Variants in APBB1 observed in about 807,000 individuals in gnomAD.
APBB1 encodes adaptor protein FE65a2.
In APBB1, 22 loss-of-function variants were observed where a neutral mutation model predicts 78.4. That is an observed-to-expected ratio of 0.28 (90% CI 0.20 to 0.40). The LOEUF (loss-of-function observed/expected upper bound fraction) is 0.40, where lower values mean the gene tolerates loss of function less well. Among genes scored for constraint, APBB1 ranks in the 10% least tolerant of loss-of-function variants. APBB1 has a pLI of 1.00. For synonymous variants in APBB1, 369 were observed against 372.7 expected (o/e 0.99, Z 0.12); for missense variants, 749 against 932.4 (o/e 0.80, Z 2.56).
rs75218521 is a variant in APBB1 at position 6,398,738 on chromosome 11, A to G, written c.1672+2251T>C. Among the ~76,000 whole-genome samples the G allele has an allele frequency of 7.1e-3, 1,083 of 152,340 alleles. 8 individuals carry two copies. The highest frequency in any genetic ancestry group is 0.011 in the Non-Finnish European group (762 of 68,034). On this transcript the variant is annotated intron_variant, in intron 12 of 14. Transcript: ENST00000609360. ...CAGTGCCATCGAATCCAAATGAAAT[A>G]CCCACTCCACTCTGCAAATCCAAAC... is the stretch of plus-strand genomic sequence containing the variant.
chr11:6,402,385 C>A, intron 7 of APBB1, 176 bp from the exon 8 acceptor site: 1 of 1,124,092 alleles, frequency 8.9e-7, no homozygotes, highest in South Asian at 1.5e-5. Flanking sequence ...CACATTGACT[C>A]CACCGTTGTT....
chr11:6,402,285 G>A, intron 7 of APBB1, 76 bp from the exon 8 acceptor site: 1 of 1,576,258 alleles, frequency 6.3e-7, no homozygotes, highest in African/African-American at 1.3e-5. Context: ...GCAGCTCAGG[G>A]GATGTTAGCC....
intron 1 of APBB1, among the ~76,000 whole-genome samples, chr11:6,412,402 C>T (rs185026068): frequency 9.5e-4 from 145 of 152,260 alleles, no homozygotes; most frequent in Non-Finnish European, 1.1e-3. Context: ...CCGCCCACTT[C>T]GGCCTCCCAA....
intron 12 of APBB1, chr11:6,396,548 A>ACAT (rs1489661208): frequency 6.6e-6 from 2 of 305,270 alleles, no homozygotes; most frequent in Non-Finnish European, 1.2e-5. Context: ...TCACACTCAG[A>ACAT]CATCACATTG....
At position 6,401,831 on chromosome 11, in the gene APBB1, G is replaced by T. The variant is rs555746087; in HGVS notation, c.1389-143C>A. On this transcript the variant is annotated intron_variant, in intron 9 of 14. Coordinates refer to ENST00000609360, the MANE Select transcript of APBB1 (RefSeq NM_001164.5). This position sits in a 1 kb window ranked among gnomAD's most constrained non-coding sequence, Gnocchi z 4.5. The stretch of plus-strand genomic sequence containing the variant: ...GGTCCCCCATAGGTGCTGCCTTCTT[G>T]GGGGGGAGGGGTAGACAGGCAAGCA... 2,476 of 1,407,316 alleles carry T rather than the reference G, an allele frequency of 1.8e-3. 11 individuals carry two copies. The highest frequency in any genetic ancestry group is 1.5e-3 in the East Asian group (62 of 42,126). 87.2% of individuals were successfully genotyped at this position (1,407,316 alleles called of 1,614,324 possible). A position where few individuals can be genotyped will look rare whatever the true frequency, so the allele number is the denominator to read the frequency against.
chr11:6,412,806 G>A (rs934786026), intron 1 of APBB1, among the ~76,000 whole-genome samples: 1 of 152,110 alleles, frequency 6.6e-6, no homozygotes, highest in African/African-American at 2.4e-5. Flanking sequence ...CTCTGCCAGT[G>A]TCAGAAAACA....
At chr11:6,418,859 C>CGGGGATG (rs909154741) in intron 1 of APBB1, 126 bp downstream of exon 1, 5 of 360,552 alleles carry the variant, frequency 1.4e-5, no homozygotes, top group African/African-American at 4.3e-5. Flanking sequence ...AAGGGCGACC[C>CGGGGATG]GGGGATGGGG....
chr11:6,401,948 G>T lies in APBB1; in HGVS notation c.1388+29C>A. 1 of 1,555,284 alleles carries T rather than the reference G, an allele frequency of 6.4e-7. No individual in the cohort carries two copies. On this transcript the variant is annotated intron_variant, in intron 9 of 14. Transcript: ENST00000609360. The surrounding 1 kb of genome is among the most constrained non-coding windows in gnomAD (Gnocchi z 4.5). Reference sequence around the variant, plus strand: ...GGGTGCTTCCAGGCATCTGGTCCAGGTGTAGGAGGGGGAAAATAGGCATAG... The same window carrying T: ...GGGTGCTTCCAGGCATCTGGTCCAGTTGTAGGAGGGGGAAAATAGGCATAG...
At position 6,403,791 on chromosome 11, in the gene APBB1, C is replaced by T. The variant is rs770745053; in HGVS notation, c.753G>A (p.Thr251=). The T allele has an allele frequency of 1.2e-5, 19 of 1,571,672 alleles. No homozygotes were observed. The highest frequency in any genetic ancestry group is 2.3e-5 in the East Asian group (1 of 44,354). The change falls in exon 3 of 15, where the codon ACG becomes ACA. Residue 251 remains threonine, a synonymous_variant. Coordinates refer to ENST00000609360, the MANE Select transcript of APBB1 (RefSeq NM_001164.5). This position sits in a 1 kb window ranked among gnomAD's most constrained non-coding sequence, Gnocchi z 5.3. ...TCCATCCAGCCGGCAGGTCGGAATC[C>T]GTCTCGAAGGCGTTGGGGTTCCAGA... ...DSFWNPNAFE[T]DSDLPAGWMR...
At chr11:6,404,770 G>C in intron 2 of APBB1, 1 of 1,536,310 alleles carries the variant, frequency 6.5e-7, no homozygotes, top group Non-Finnish European at 8.7e-7. Context: ...GCAGGATAAT[G>C]GCCAGGAAAA....
chr11:6,400,411 G>A (rs528837648), intron 12 of APBB1, among the ~76,000 whole-genome samples: 34 of 152,178 alleles, frequency 2.2e-4, no homozygotes, highest in African/African-American at 7.0e-4. Flanking sequence ...GCGTGGTGGC[G>A]GGAGCCTGTA....
intron 7 of APBB1, 179 bp downstream of exon 7, chr11:6,402,397 G>A: frequency 2.7e-6 from 3 of 1,105,902 alleles, no homozygotes; most frequent in Non-Finnish European, 3.9e-6. Context: ...ACCGTTGTTA[G>A]GCGACTATCT....
rs950717857 is a variant in APBB1, at chr11:6,415,447, G to A, written c.-15+3538C>T. Among the ~76,000 whole-genome samples, 12 of 152,194 alleles carry A rather than the reference G, an allele frequency of 7.9e-5. No individual in the cohort carries two copies. In the South Asian group the frequency reaches 1.7e-3, roughly 21 times the overall value. On this transcript the variant is annotated intron_variant, in intron 1 of 14. Coordinates refer to ENST00000609360, the MANE Select transcript of APBB1 (RefSeq NM_001164.5). Reference sequence around the variant, plus strand: ...CTCAGTTCAGCGGGAAACAGTCATTGAACAACTTGTTACAATGCAGTGTAA... The same window carrying A: ...CTCAGTTCAGCGGGAAACAGTCATTAAACAACTTGTTACAATGCAGTGTAA...
rs778970120 is a variant in APBB1 at position 6,410,821 on chromosome 11, G to A, written c.527C>T (p.Pro176Leu). The change falls in exon 2 of 15, where the codon CCC (proline) becomes CTC (leucine). Residue 176 changes from proline to leucine, a missense_variant. Coordinates refer to ENST00000609360, the MANE Select transcript of APBB1 (RefSeq NM_001164.5). Reference protein sequence around the residue: ...DEEEEEDLSSPPGLPEPLESV... With the variant: ...DEEEEEDLSSLPGLPEPLESV... ...CTCCAGGGGCTCAGGCAGCCCTGGG[G>A]GAGAAGATAAGTCCTCCTCCTCCTC... The A allele has an allele frequency of 4.3e-6, 7 of 1,613,822 alleles. No homozygotes were observed. The highest frequency in any genetic ancestry group is 3.3e-4 in the Middle Eastern group (2 of 6,018).
chr11:6,409,442 C>T (rs1002905874), intron 2 of APBB1, among the ~76,000 whole-genome samples: 17 of 152,174 alleles, frequency 1.1e-4, no homozygotes, highest in Non-Finnish European at 4.4e-5. Context: ...CGGAAGAGAG[C>T]ATGCAGGTAG....
intron 7 of APBB1, 173 bp from the exon 8 acceptor site, chr11:6,402,382 A>T: frequency 8.9e-7 from 1 of 1,123,402 alleles, no homozygotes; most frequent in Non-Finnish European, 1.3e-6. Context: ...TCTCACATTG[A>T]CTCCACCGTT....
upstream of APBB1, chr11:6,419,108 C>G: frequency 7.9e-6 from 3 of 377,380 alleles, no homozygotes; most frequent in Non-Finnish European, 1.4e-5. Flanking sequence ...GGGCCGCGCC[C>G]CGAGCGGCGG....
Position 6,395,687 on chromosome 11 carries a change from C to T in APBB1, c.1980G>A (p.Lys660=), listed in dbSNP as rs762395261. The change falls in exon 15 of 15, where the codon AAG becomes AAA. Residue 660 remains lysine, a synonymous_variant. Coordinates refer to ENST00000609360, the MANE Select transcript of APBB1 (RefSeq NM_001164.5). The surrounding 1 kb of genome is among the most constrained non-coding windows in gnomAD (Gnocchi z 5.2). ...AGGCCTGGGAACGGGCATCCAGACACTTCTGGTAGCGAAGCTGCGGAGGCA... is the reference window on the plus strand; with the variant it reads ...AGGCCTGGGAACGGGCATCCAGACATTTCTGGTAGCGAAGCTGCGGAGGCA... ...VQAACMLRYQ[K]CLDARSQAST... 6.9e-6 allele frequency: 11 copies of T among 1,588,174 alleles called. No homozygotes were observed. The highest frequency in any genetic ancestry group is 2.2e-5 in the East Asian group (1 of 44,666).
intron 1 of APBB1, among the ~76,000 whole-genome samples, chr11:6,413,593 T>C (rs1259609307): frequency 1.3e-5 from 2 of 151,682 alleles, no homozygotes; most frequent in African/African-American, 4.8e-5. Flanking sequence ...GCTGGGATTA[T>C]AGGTGCCCAC....
Sources: gnomAD v4.1 joint callset for allele counts (sites outside exome capture counted in the v4.1 genomes callset) on GRCh38, gnomAD v4.1.1 for gene constraint, Gnocchi (gnomAD v3.1) non-coding constraint, MANE v1.5 for transcripts, NCBI Gene and HGNC (gene_info 2026-07-23, HGNC 2026-07-21) for gene names.